Variants in DNAH14 observed in about 807,000 individuals in gnomAD.
DNAH14 encodes dynein axonemal heavy chain 14, also known as axonemal beta dynein heavy chain 14.
In DNAH14, 478 loss-of-function variants were observed where a neutral mutation model predicts 520.9. That is an observed-to-expected ratio of 0.92 (90% CI 0.85 to 0.99). The LOEUF (loss-of-function observed/expected upper bound fraction) is 0.99, where lower values mean the gene tolerates loss of function less well. Ranked by LOEUF, DNAH14 falls within the 50% of genes least tolerant of loss-of-function variation. DNAH14 has a pLI of 0.00. For synonymous variants in DNAH14, 1,581 were observed against 1,757.2 expected (o/e 0.90, Z 2.51); for missense variants, 4,831 against 5,234.5 (o/e 0.92, Z 2.38).
intron 36 of DNAH14, 91 bp downstream of exon 36, chr1:225,168,119 T>A: frequency 1.4e-6 from 1 of 735,570 alleles, no homozygotes; most frequent in East Asian, 3.1e-5. Flanking sequence ...AAAAGAGAGC[T>A]GTTACAGGTA....
intron 60 of DNAH14, among the ~76,000 whole-genome samples, chr1:225,316,570 G>A (rs1221572421): frequency 1.3e-5 from 2 of 152,136 alleles, no homozygotes; most frequent in Non-Finnish European, 2.9e-5. Context: ...GTCCTTCATG[G>A]CACAGTCCCT....
intron 41 of DNAH14, among the ~76,000 whole-genome samples, chr1:225,224,411 C>T (rs2090341958): frequency 1.3e-5 from 2 of 152,004 alleles, no homozygotes; most frequent in South Asian, 2.1e-4. Flanking sequence ...TTTTTACTCA[C>T]ATACCAGGAC....
intron 69 of DNAH14, among the ~76,000 whole-genome samples, chr1:225,345,353 G>A (rs1389240345): frequency 6.6e-6 from 1 of 152,056 alleles, no homozygotes. Flanking sequence ...AAGCAGTTGA[G>A]GAAAATGGGA....
intron 10 of DNAH14, among the ~76,000 whole-genome samples, chr1:225,022,964 A>G (rs2065828226): frequency 6.6e-6 from 1 of 152,178 alleles, no homozygotes; most frequent in African/African-American, 2.4e-5. Flanking sequence ...GCTGGAGGTC[A>G]TTATTTTAAG....
rs968913445 is a variant in DNAH14 at position 225,310,029 on chromosome 1, TAATA to T, written c.9240+1634_9240+1637del. On this transcript the variant is annotated intron_variant, in intron 60 of 85. Coordinates refer to ENST00000682510, the MANE Select transcript of DNAH14 (RefSeq NM_001367479.1). ...TACCCTAAAACTTAAAGTATAATAA[TAATA>T]AATAAATAAATAAAAATAAAAAAAG... Among the ~76,000 whole-genome samples the T allele has an allele frequency of 1.5e-4, 22 of 150,442 alleles. No individual in the cohort carries two copies. The East Asian group carries it at 3.1e-3, about 21-fold the overall frequency.
chr1:225,023,253 G>T (rs575283028), intron 10 of DNAH14, among the ~76,000 whole-genome samples: 1 of 150,766 alleles, frequency 6.6e-6, no homozygotes, highest in African/African-American at 2.4e-5. Flanking sequence ...AAAAGTAGAA[G>T]AAAAAACAAA....
intron 78 of DNAH14, 57 bp from the exon 79 acceptor site, chr1:225,377,178 CAA>C (rs2095711947): frequency 3.8e-6 from 5 of 1,327,406 alleles, no homozygotes; most frequent in Non-Finnish European, 2.0e-6. Context: ...CAAAAACCAA[CAA>C]AGTGTTCAGA....
intron 15 of DNAH14, among the ~76,000 whole-genome samples, chr1:225,046,069 A>G (rs933080879): frequency 6.6e-6 from 1 of 151,702 alleles, no homozygotes; most frequent in Admixed American, 6.6e-5. Context: ...ATTTATTTAT[A>G]TGAATATGGA....
intron 8 of DNAH14, among the ~76,000 whole-genome samples, chr1:224,986,785 A>G (rs1572261393): frequency 6.6e-6 from 1 of 152,292 alleles, no homozygotes; most frequent in East Asian, 1.9e-4. Flanking sequence ...AAAGATGCCC[A>G]TTTTCACCAC....
intron 31 of DNAH14, among the ~76,000 whole-genome samples, chr1:225,148,163 C>T (rs1397410802): frequency 6.6e-6 from 1 of 152,054 alleles, no homozygotes; most frequent in Non-Finnish European, 1.5e-5. Flanking sequence ...AATGGGATTG[C>T]TGGGTCAAAT....
In DNAH14 at chr1:225,271,951, G is replaced by C. The variant is rs1283118902; in HGVS notation, c.7717G>C (p.Val2573Leu). 1 of 1,550,058 alleles carries C rather than the reference G, an allele frequency of 6.5e-7. No individual in the cohort carries two copies. Among genetic ancestry groups the C allele is most frequent in the Non-Finnish European group, 8.7e-7 (1 of 1,146,552 alleles). ...CTCCATCAATAACTTCACACCTGAA[G>C]TTCAGAAAAGTAAGGATCAGATAAT... ...YFSINNFTPE[V>L]QKSKDQIISC... The change falls in exon 51 of 86, where the codon GTT (valine) becomes CTT (leucine). Residue 2573 changes from valine (V) to leucine (L), a missense_variant. Transcript: ENST00000682510.
At chr1:225,393,904 C>T (rs1395933393) in intron 84 of DNAH14, among the ~76,000 whole-genome samples, 3 of 151,684 alleles carry the variant, frequency 2.0e-5, no homozygotes, top group Admixed American at 6.6e-5. Context: ...CTGCAAGCTC[C>T]GCCTCCCGGG....
intron 8 of DNAH14, among the ~76,000 whole-genome samples, chr1:224,989,420 T>C (rs1456836199): frequency 1.3e-5 from 2 of 152,198 alleles, no homozygotes; most frequent in Non-Finnish European, 2.9e-5. Context: ...ATTGATCTTA[T>C]ATGCTATAAC....
intron 41 of DNAH14, among the ~76,000 whole-genome samples, chr1:225,214,245 C>T (rs1404443285): frequency 6.6e-6 from 1 of 152,092 alleles, no homozygotes; most frequent in East Asian, 1.9e-4. Flanking sequence ...GCCTTGCATC[C>T]CAGGGATGAA....
rs1265754099 is a variant in DNAH14 at position 225,368,049 on chromosome 1, C to G, written c.12318+17C>G. 6.6e-7 allele frequency: 1 copy of G among 1,514,528 alleles called. No individual in the cohort carries two copies. The highest frequency in any genetic ancestry group is 1.4e-5 in the African/African-American group (1 of 71,670). The allele number at this position is 1,514,528 out of a possible 1,614,324, so 93.8% of individuals were successfully genotyped here. On this transcript the variant is annotated intron_variant, in intron 77 of 85. Transcript: ENST00000682510. The stretch of plus-strand genomic sequence containing the variant: ...GACTTGGGGGTAAGTGTAGTCTCTT[C>G]AAACAAACAACAAATAAGTAACAAT...
chr1:225,130,913 A>G (rs925609938), intron 27 of DNAH14, among the ~76,000 whole-genome samples: 5 of 152,202 alleles, frequency 3.3e-5, no homozygotes, highest in Admixed American at 6.5e-5. Flanking sequence ...GTATGCCTGT[A>G]TAAGTATTTA....
intron 36 of DNAH14, among the ~76,000 whole-genome samples, chr1:225,180,200 A>G (rs545741700): frequency 2.2e-4 from 34 of 151,934 alleles, no homozygotes; most frequent in Non-Finnish European, 3.8e-4. Context: ...TAAGCATTCT[A>G]CCCCTTTTTC....
intron 22 of DNAH14, among the ~76,000 whole-genome samples, chr1:225,100,491 T>G (rs148300520): frequency 2.6e-5 from 4 of 152,190 alleles, no homozygotes; most frequent in Admixed American, 2.6e-4. Context: ...CTAAGTATAA[T>G]CTTGTTAAAT....
At position 225,077,854 on chromosome 1, in the gene DNAH14, AT is replaced by A. The variant is rs1382419020; in HGVS notation, c.2425-1352del. Among the ~76,000 whole-genome samples, 5 of 152,326 alleles carry A rather than the reference AT, an allele frequency of 3.3e-5. No homozygotes were observed. The South Asian group carries it at 1.0e-3, about 32-fold the overall frequency. ...CTGGGTAATGGAATAATAGTTGACC[AT>A]CTGATAAACTTTTCCATCTTATAAA... On this transcript the variant is annotated intron_variant, in intron 17 of 85. Coordinates refer to ENST00000682510, the MANE Select transcript of DNAH14 (RefSeq NM_001367479.1).
Sources: allele counts gnomAD v4.1 joint callset (sites outside exome capture counted in the v4.1 genomes callset), GRCh38; gene constraint gnomAD v4.1.1; transcripts MANE v1.5; gene names NCBI Gene and HGNC (gene_info 2026-07-23, HGNC 2026-07-21).